Variants in KCNMA1 observed in about 807,000 individuals in gnomAD.
The protein encoded by KCNMA1 is potassium calcium-activated channel subfamily M alpha 1, also known as Calcium-activated potassium channel subunit alpha-1.
Under a neutral mutation model 140.0 loss-of-function variants are expected in KCNMA1, and 29 were observed. The ratio of observed to expected loss-of-function variants is 0.21; its 90% CI spans 0.15 to 0.28. The LOEUF (loss-of-function observed/expected upper bound fraction) is 0.28. Among genes scored for constraint, KCNMA1 ranks in the 10% least tolerant of loss-of-function variants. KCNMA1 has a pLI of 1.00. For missense variants in KCNMA1, 880 were observed against 1,602.2 expected, an observed-to-expected ratio of 0.55 and a Z score of 7.70; for synonymous variants, 612 against 611.9, an observed-to-expected ratio of 1.00 and a Z score of 0.00.
chr10:77,587,642 G>A (rs981521966), intron 1 of KCNMA1: 9 of 939,504 alleles, frequency 9.6e-6, no homozygotes, highest in East Asian at 1.2e-4. Context: ...CTGAGTGTCC[G>A]GTGCTCTGAG....
At chr10:77,169,868 T>G (rs993802053) in intron 5 of KCNMA1, among the ~76,000 whole-genome samples, 1 of 152,184 alleles carries the variant, frequency 6.6e-6, no homozygotes, top group African/African-American at 2.4e-5. Context: ...CACTAGTGTT[T>G]GGCATTTATT....
chr10:76,959,346 T>C (rs569414126), intron 20 of KCNMA1, among the ~76,000 whole-genome samples: 1 of 152,246 alleles, frequency 6.6e-6, no homozygotes, highest in East Asian at 1.9e-4. Flanking sequence ...AGTGACAGTA[T>C]ACCATAGTGG....
intron 1 of KCNMA1, among the ~76,000 whole-genome samples, chr10:77,631,106 CAA>C (rs397944676): frequency 1.1e-4 from 7 of 61,324 alleles, no homozygotes; most frequent in Non-Finnish European, 1.1e-4. Flanking sequence ...GACCCTGTCC[CAA>C]AAAAAAAAAA....
At chr10:77,297,647 A>G (rs1163652488) in intron 2 of KCNMA1, among the ~76,000 whole-genome samples, 1 of 152,208 alleles carries the variant, frequency 6.6e-6, no homozygotes, top group East Asian at 1.9e-4. Flanking sequence ...AAATACACGC[A>G]TAATTAATGT....
At chr10:77,479,349 G>A (rs17412609) in intron 1 of KCNMA1, among the ~76,000 whole-genome samples, 8 of 152,080 alleles carry the variant, frequency 5.3e-5, no homozygotes, top group Middle Eastern at 3.4e-3. Flanking sequence ...CAACAGATGC[G>A]GGATAAAATC....
At chr10:77,461,616 C>T (rs971848106) in intron 1 of KCNMA1, among the ~76,000 whole-genome samples, 4 of 152,114 alleles carry the variant, frequency 2.6e-5, no homozygotes, top group African/African-American at 9.7e-5. Context: ...ACTAGGTCAC[C>T]CCTCCACAGA....
In KCNMA1 at chr10:77,086,607, G is replaced by C. The variant is rs781038538; in HGVS notation, c.1335-14C>G. The C allele has an allele frequency of 6.3e-7, 1 of 1,578,662 alleles. No homozygotes were observed. Among genetic ancestry groups the C allele is most frequent in the Non-Finnish European group, 8.7e-7 (1 of 1,147,776 alleles). Reference sequence around the variant, plus strand: ...TTGGGGGAGATGCTACACAGGGAGAGAAGAAATCGCTATTAATTTAATGGA... The same window carrying C: ...TTGGGGGAGATGCTACACAGGGAGACAAGAAATCGCTATTAATTTAATGGA... On this transcript the variant is annotated splice_polypyrimidine_tract_variant and intron_variant, in intron 10 of 27. Transcript: ENST00000286628.
At chr10:77,101,931 G>A (rs1226214283) in intron 9 of KCNMA1, among the ~76,000 whole-genome samples, 1 of 152,162 alleles carries the variant, frequency 6.6e-6, no homozygotes, top group Non-Finnish European at 1.5e-5. Flanking sequence ...AGAAAGAGTC[G>A]AGAGGGAAAT....
chr10:77,365,661 A>G (rs1004877818), intron 2 of KCNMA1, among the ~76,000 whole-genome samples: 3 of 151,972 alleles, frequency 2.0e-5, no homozygotes, highest in African/African-American at 4.8e-5. Context: ...CTTCCTCTTT[A>G]CTGTACCTCC....
chr10:76,950,951 T>C lies in KCNMA1; in HGVS notation c.2485-1585A>G, dbSNP rs377505286. Among the ~76,000 whole-genome samples the C allele has an allele frequency of 1.7e-3, 252 of 152,286 alleles. 4 individuals are homozygous for C. In the South Asian group the frequency reaches 0.017, roughly 11 times the overall value. ...CCTGCAGAAGACCTGGAGTTAGTTA[T>C]CTGGGCCGCACGGAAGTGCAAGTGC... On this transcript the variant is annotated intron_variant, in intron 21 of 27. Transcript: ENST00000286628.
At chr10:77,198,396 G>A (rs2041327477) in intron 3 of KCNMA1, among the ~76,000 whole-genome samples, 2 of 151,962 alleles carry the variant, frequency 1.3e-5, no homozygotes, top group Non-Finnish European at 2.9e-5. Context: ...TAACCCTGAA[G>A]TTAACCACGC....
At position 77,432,270 on chromosome 10, in the gene KCNMA1, C is replaced by T. The variant is rs550641517; in HGVS notation, c.379-28247G>A. Among the ~76,000 whole-genome samples the T allele has an allele frequency of 1.7e-4, 26 of 152,326 alleles. No homozygotes were observed. In the East Asian group the frequency reaches 4.4e-3, roughly 26 times the overall value. Reference sequence around the variant, plus strand: ...ATCACCTTATGTTCCTTCACTTAATCAGTCACTTATGAGCACTATTCTAGG... The same window carrying T: ...ATCACCTTATGTTCCTTCACTTAATTAGTCACTTATGAGCACTATTCTAGG... On this transcript the variant is annotated intron_variant, in intron 1 of 27. Transcript: ENST00000286628.
At chr10:77,517,498 A>C (rs2050991944) in intron 1 of KCNMA1, among the ~76,000 whole-genome samples, 1 of 152,158 alleles carries the variant, frequency 6.6e-6, no homozygotes, top group Non-Finnish European at 1.5e-5. Context: ...GTTAATGAGC[A>C]TTGCATCCAC....
chr10:77,038,466 G>C (rs2094467018), intron 15 of KCNMA1, among the ~76,000 whole-genome samples: 1 of 152,148 alleles, frequency 6.6e-6, no homozygotes, highest in African/African-American at 2.4e-5. Context: ...TAGGCTTAAT[G>C]TTTCACCAAC....
At chr10:77,293,083 C>T (rs1354195191) in intron 2 of KCNMA1, among the ~76,000 whole-genome samples, 4 of 152,164 alleles carry the variant, frequency 2.6e-5, no homozygotes, top group Admixed American at 2.0e-4. Flanking sequence ...CCAGGAAGAA[C>T]TAGCTTGGTG....
chr10:77,535,761 G>A (rs572156032), intron 1 of KCNMA1, among the ~76,000 whole-genome samples: 35 of 152,326 alleles, frequency 2.3e-4, no homozygotes, highest in African/African-American at 8.4e-4. Context: ...GGAACAGGAG[G>A]ACATTATGTT....
chr10:77,352,558 G>A (rs565942938), intron 2 of KCNMA1, among the ~76,000 whole-genome samples: 3 of 152,210 alleles, frequency 2.0e-5, no homozygotes, highest in Non-Finnish European at 4.4e-5. Flanking sequence ...ACAACCACTC[G>A]TGTCTAGTGG....
At chr10:77,305,694 C>G (rs764840214) in intron 2 of KCNMA1, among the ~76,000 whole-genome samples, 4 of 152,154 alleles carry the variant, frequency 2.6e-5, no homozygotes, top group African/African-American at 4.8e-5. Context: ...GGAAAGAGCC[C>G]TAAGCCCCAG....
intron 25 of KCNMA1, among the ~76,000 whole-genome samples, chr10:76,892,805 T>C (rs1456366054): frequency 1.3e-5 from 2 of 152,182 alleles, no homozygotes; most frequent in African/African-American, 2.4e-5. Flanking sequence ...ACAGTGGTCA[T>C]TAAAACCAAA....
Sources: gnomAD v4.1 joint callset for allele counts (sites outside exome capture counted in the v4.1 genomes callset) on GRCh38, gnomAD v4.1.1 for gene constraint, MANE v1.5 for transcripts, NCBI Gene and HGNC (gene_info 2026-07-23, HGNC 2026-07-21) for gene names.